CAMK2A: variants seen among roughly 807,000 people sequenced by gnomAD.
CAMK2A encodes calcium/calmodulin dependent protein kinase II alpha, also known as calcium/calmodulin-dependent protein kinase type II subunit alpha.
A neutral mutation model predicts 79.2 loss-of-function variants in CAMK2A; 7 were observed. The observed-to-expected ratio is 0.09, with a 90% confidence interval of 0.05 to 0.17. The LOEUF (loss-of-function observed/expected upper bound fraction) is 0.17. CAMK2A is among the 10% of genes least tolerant of loss of function. CAMK2A has a pLI of 1.00. For missense variants in CAMK2A, 214 were observed against 646.4 expected (o/e 0.33, Z 7.25); for synonymous variants, 242 against 251.7 (o/e 0.96, Z 0.36).
At chr5:150,285,186 C>T (rs1028087094) in intron 1 of CAMK2A, among the ~76,000 whole-genome samples, 2 of 152,130 alleles carry the variant, frequency 1.3e-5, no homozygotes, top group African/African-American at 2.4e-5. Flanking sequence ...AGTCTTCCCC[C>T]GATATGCTGG....
chr5:150,221,763 A>C lies in CAMK2A; in HGVS notation c.*947T>G, dbSNP rs1754320456. 5.0e-6 allele frequency: 2 copies of C among 396,422 alleles called. No homozygotes were observed. Among genetic ancestry groups the C allele is most frequent in the Non-Finnish European group, 4.4e-6 (1 of 225,330 alleles). The allele number at this position is 396,422 out of a possible 1,614,324, so 24.6% of individuals were successfully genotyped here. A position where few individuals can be genotyped will look rare whatever the true frequency, so the allele number is the denominator to read the frequency against. ...CTCAGAGATGACAAAAAAAAAAAAA[A>C]AAACTAGAACAGAAAAAAACTACCC... On this transcript the variant is annotated 3_prime_UTR_variant, in exon 19 of 19. Coordinates refer to ENST00000671881, the MANE Select transcript of CAMK2A (RefSeq NM_015981.4).
At chr5:150,244,359 A>G (rs1022886370) in intron 13 of CAMK2A, among the ~76,000 whole-genome samples, 1 of 152,268 alleles carries the variant, frequency 6.6e-6, no homozygotes, top group Non-Finnish European at 1.5e-5. Context: ...GTATTCATAC[A>G]GCATCCCACA....
chr5:150,281,319 T>C (rs1253026057), intron 1 of CAMK2A, among the ~76,000 whole-genome samples: 2 of 152,224 alleles, frequency 1.3e-5, no homozygotes, highest in Admixed American at 1.3e-4. Context: ...CAAAACCCCT[T>C]GGTGGTCAGT....
Position 150,221,987 on chromosome 5 carries a change from C to T in CAMK2A, c.*723G>A, listed in dbSNP as rs986716218. 1 of 195,560 alleles carries T rather than the reference C, an allele frequency of 5.1e-6. No individual in the cohort carries two copies. Among genetic ancestry groups the T allele is most frequent in the East Asian group, 1.2e-4 (1 of 8,480 alleles). 12.1% of individuals were successfully genotyped at this position (195,560 alleles called of 1,614,324 possible). ...TGCCCCCCAAAAACAATTAGATTCC[C>T]TCTCTGAGATACGACAAAGCTGGAA... On this transcript the variant is annotated 3_prime_UTR_variant, in exon 19 of 19. Transcript: ENST00000671881.
At chr5:150,224,096 A>G (rs1353715757) in intron 17 of CAMK2A, among the ~76,000 whole-genome samples, 2 of 152,212 alleles carry the variant, frequency 1.3e-5, no homozygotes, top group African/African-American at 2.4e-5. Context: ...TCTTGGAATC[A>G]TGATGGGGCT....
chr5:150,233,034 C>G (rs900416918), intron 15 of CAMK2A, among the ~76,000 whole-genome samples: 2 of 152,212 alleles, frequency 1.3e-5, no homozygotes, highest in South Asian at 2.1e-4. Context: ...ATTGTTTTGC[C>G]CGAATGCTTT....
chr5:150,253,776 A>G (rs1755937773), intron 6 of CAMK2A, among the ~76,000 whole-genome samples: 1 of 152,134 alleles, frequency 6.6e-6, no homozygotes, highest in Non-Finnish European at 1.5e-5. Flanking sequence ...CCCTTTCTCC[A>G]TCAGCCACTC....
intron 2 of CAMK2A, among the ~76,000 whole-genome samples, chr5:150,269,443 G>A (rs116621349): frequency 0.032 from 4,870 of 151,914 alleles, 89 homozygotes; most frequent in Middle Eastern, 0.041. Flanking sequence ...GACTCCCCTG[G>A]GCTCGGTGAT....
chr5:150,270,092 G>A (rs1756681557), intron 2 of CAMK2A, among the ~76,000 whole-genome samples: 3 of 152,224 alleles, frequency 2.0e-5, no homozygotes, highest in South Asian at 4.1e-4. Flanking sequence ...CTACCTCTGT[G>A]TGTGCAGTGG....
At chr5:150,289,382 C>A (rs531701800) in intron 1 of CAMK2A, among the ~76,000 whole-genome samples, 182 bp downstream of exon 1, 1 of 152,328 alleles carries the variant, frequency 6.6e-6, no homozygotes, top group Admixed American at 6.5e-5. Context: ...TGTGCACCCA[C>A]AAACATACCC....
intron 1 of CAMK2A, among the ~76,000 whole-genome samples, chr5:150,275,872 C>T (rs1485736538): frequency 6.6e-6 from 1 of 152,052 alleles, no homozygotes; most frequent in Non-Finnish European, 1.5e-5. Flanking sequence ...TTTATGGAGG[C>T]CTCATCACTA....
intron 6 of CAMK2A, 88 bp from the exon 7 acceptor site, chr5:150,253,634 G>A: frequency 8.7e-7 from 1 of 1,154,006 alleles, no homozygotes. Context: ...AGGGGCCTGG[G>A]CTCACAGGAA....
intron 1 of CAMK2A, among the ~76,000 whole-genome samples, chr5:150,281,406 A>G (rs900879713): frequency 1.1e-4 from 16 of 152,186 alleles, no homozygotes; most frequent in African/African-American, 3.9e-4. Flanking sequence ...TGCCTGGGGG[A>G]AGAGAAAGAG....
chr5:150,239,141 T>C (rs6871892), intron 14 of CAMK2A, among the ~76,000 whole-genome samples: 14,719 of 151,800 alleles, frequency 0.097, 2,333 homozygotes, highest in African/African-American at 0.33. Flanking sequence ...GTGTGAGAGA[T>C]GGTGGGCTCT....
intron 1 of CAMK2A, among the ~76,000 whole-genome samples, chr5:150,278,841 G>A (rs1757085086): frequency 6.6e-6 from 1 of 152,126 alleles, no homozygotes; most frequent in Non-Finnish European, 1.5e-5. Context: ...TGAGGCTGTA[G>A]GTGTGACAAA....
chr5:150,260,033 C>T (rs192125674), intron 3 of CAMK2A, among the ~76,000 whole-genome samples: 1 of 152,184 alleles, frequency 6.6e-6, no homozygotes, highest in East Asian at 1.9e-4. Flanking sequence ...ACCCAGATAT[C>T]CACTACCTAG....
At chr5:150,279,054 G>A (rs1382814429) in intron 1 of CAMK2A, among the ~76,000 whole-genome samples, 3 of 152,148 alleles carry the variant, frequency 2.0e-5, no homozygotes, top group African/African-American at 7.2e-5. Flanking sequence ...ACAATGTGGA[G>A]GCTGGGGTAA....
intron 3 of CAMK2A, among the ~76,000 whole-genome samples, chr5:150,257,958 G>A (rs1014109457): frequency 2.6e-5 from 4 of 152,240 alleles, no homozygotes; most frequent in South Asian, 2.1e-4. Context: ...CTTACTAGCC[G>A]TGTGACTTCT....
Position 150,223,102 on chromosome 5 carries a change from A to G in CAMK2A, c.1353T>C (p.Ala451=). 3 of 1,614,170 alleles carry G rather than the reference A, an allele frequency of 1.9e-6. No individual in the cohort carries two copies. Among genetic ancestry groups the G allele is most frequent in the Non-Finnish European group, 2.5e-6 (3 of 1,180,044 alleles). Residue 451 remains alanine (A), a synonymous_variant, in exon 18 of 19, where the codon GCT becomes GCC. Coordinates refer to ENST00000671881, the MANE Select transcript of CAMK2A (RefSeq NM_015981.4). The surrounding 1 kb of genome is among the most constrained non-coding windows in gnomAD (Gnocchi z 4.1). ...AYIRITQYLD[A]GGIPRTAQSE... Reference sequence around the variant, plus strand: ...ACTGGGCGGTGCGTGGGATGCCGCCAGCGTCCAGGTACTGCGTGATGCGGA... The same window carrying G: ...ACTGGGCGGTGCGTGGGATGCCGCCGGCGTCCAGGTACTGCGTGATGCGGA...
Sources: allele counts gnomAD v4.1 joint callset (sites outside exome capture counted in the v4.1 genomes callset), GRCh38; gene constraint gnomAD v4.1.1; non-coding constraint Gnocchi (gnomAD v3.1); transcripts MANE v1.5; gene names NCBI Gene and HGNC (gene_info 2026-07-23, HGNC 2026-07-21).